The following IFI27L1 variants were observed in gnomAD, a reference collection of about 807,000 sequenced individuals.
The protein encoded by IFI27L1 is interferon alpha inducible protein 27 like 1, also known as interferon alpha-inducible protein 27-like protein 1.
IFI27L1 carries 3 observed loss-of-function variants against 9.2 expected under a neutral mutation model. That is an observed-to-expected ratio of 0.32 (90% confidence interval 0.15 to 0.84). The LOEUF (loss-of-function observed/expected upper bound fraction) is 0.84. IFI27L1 is among the 40% of genes least tolerant of loss of function. The pLI is 0.56. For synonymous variants in IFI27L1, 53 were observed against 50.0 expected (o/e 1.06, Z -0.26); for missense variants, 133 against 134.2 (o/e 0.99, Z 0.05).
intron 1 of IFI27L1, among the ~76,000 whole-genome samples, chr14:94,089,597 G>A (rs1369254193): frequency 4.6e-5 from 7 of 152,078 alleles, no homozygotes; most frequent in Non-Finnish European, 7.4e-5. Flanking sequence ...GAACTGTATC[G>A]TGTGCCTATC....
At chr14:94,097,755 C>T (rs1228224349) in intron 2 of IFI27L1, 3 of 698,000 alleles carry the variant, frequency 4.3e-6, no homozygotes, top group African/African-American at 3.5e-5. Flanking sequence ...AGGCCACTTA[C>T]CCTGAGCTAC....
chr14:94,096,779 A>G (rs994771165), intron 1 of IFI27L1, 108 bp from the exon 2 acceptor site: 14 of 592,788 alleles, frequency 2.4e-5, no homozygotes, highest in Non-Finnish European at 3.7e-5. Context: ...GTTTTATATG[A>G]TAATTCTATT....
intron 1 of IFI27L1, among the ~76,000 whole-genome samples, chr14:94,094,347 A>G (rs1236052252): frequency 6.6e-6 from 1 of 152,092 alleles, no homozygotes; most frequent in Non-Finnish European, 1.5e-5. Flanking sequence ...CGGAAACTTG[A>G]GAGCTGATCC....
chr14:94,094,799 C>A lies in IFI27L1; in HGVS notation c.-51-2088C>A, dbSNP rs527744616. 2.0e-5 allele frequency: 3 copies of A among 152,168 alleles called. No individual in the cohort carries two copies. In the South Asian group the frequency reaches 6.2e-4, roughly 32 times the overall value. 9.4% of individuals were successfully genotyped at this position (152,168 alleles called of 1,614,324 possible). The stretch of plus-strand genomic sequence containing the variant: ...CCTCTCTTGGAGTCTGGATTGGGAC[C>A]CCTTTCCAGTAATATACTCCTGGTG... On this transcript the variant is annotated intron_variant, in intron 1 of 4. Transcript: ENST00000555523.
intron 1 of IFI27L1, among the ~76,000 whole-genome samples, chr14:94,093,509 A>C (rs1429553951): frequency 6.6e-6 from 1 of 152,138 alleles, no homozygotes; most frequent in African/African-American, 2.4e-5. Flanking sequence ...TGTATGGAGA[A>C]CATCCCTCCA....
Position 94,087,262 on chromosome 14 carries a change from G to A in IFI27L1, c.-52+5813G>A, listed in dbSNP as rs554767850. ...GTAGTTTCTGGGCAGATGTGCTCAC[G>A]GAAGTATTTTTTGTGTAAGGTTGTG... On this transcript the variant is annotated intron_variant, in intron 1 of 4. Transcript: ENST00000555523. Among the ~76,000 whole-genome samples, 506 of 152,206 alleles carry A rather than the reference G, an allele frequency of 3.3e-3. 3 individuals carry two copies. The highest frequency in any genetic ancestry group is 0.011 in the African/African-American group (470 of 41,526).
intron 2 of IFI27L1, chr14:94,100,256 G>A (rs1019552795): frequency 1.0e-6 from 1 of 985,232 alleles, no homozygotes; most frequent in African/African-American, 1.7e-5. Context: ...GAGGATTGAG[G>A]CTGATTTTTG....
chr14:94,096,570 T>C (rs1328057232), intron 1 of IFI27L1, among the ~76,000 whole-genome samples: 2 of 151,970 alleles, frequency 1.3e-5, no homozygotes, highest in Non-Finnish European at 2.9e-5. Context: ...CGCACGCACC[T>C]GTAATCCCAG....
At chr14:94,086,328 A>G (rs1206414233) in intron 1 of IFI27L1, among the ~76,000 whole-genome samples, 1 of 152,192 alleles carries the variant, frequency 6.6e-6, no homozygotes, top group Non-Finnish European at 1.5e-5. Flanking sequence ...AAGCCTGTGG[A>G]ACTGTGTGCC....
At chr14:94,089,409 C>T (rs1009420849) in intron 1 of IFI27L1, 2 of 152,102 alleles carry the variant, frequency 1.3e-5, no homozygotes, top group African/African-American at 4.8e-5. Context: ...TTGATGTTGC[C>T]ATGGCGTTTA....
chr14:94,098,044 G>A (rs1886739073), intron 2 of IFI27L1, among the ~76,000 whole-genome samples: 1 of 152,206 alleles, frequency 6.6e-6, no homozygotes. Context: ...TTCAGGGAGA[G>A]GGGCTGAATG....
At chr14:94,097,719 A>G in intron 2 of IFI27L1, 1 of 702,054 alleles carries the variant, frequency 1.4e-6, no homozygotes, top group Non-Finnish European at 2.6e-6. Context: ...GAAGGAGAGA[A>G]ACCATGTGGA....
intron 2 of IFI27L1, chr14:94,100,391 C>A (rs1245448851): frequency 1.0e-6 from 1 of 985,328 alleles, no homozygotes; most frequent in Non-Finnish European, 1.2e-6. Flanking sequence ...GTCCCTGCCC[C>A]CGTGGCAGCC....
At chr14:94,102,323 G>A (rs1886931330) in intron 4 of IFI27L1, among the ~76,000 whole-genome samples, 154 bp from the exon 5 acceptor site, 1 of 152,146 alleles carries the variant, frequency 6.6e-6, no homozygotes. Context: ...TCCCAGAGCA[G>A]AAATCCTAGG....
intron 1 of IFI27L1, among the ~76,000 whole-genome samples, chr14:94,082,847 G>A (rs1351166043): frequency 6.6e-6 from 1 of 152,214 alleles, no homozygotes; most frequent in Non-Finnish European, 1.5e-5. Context: ...TGTATAAGGA[G>A]ATGAATGTTG....
intron 1 of IFI27L1, among the ~76,000 whole-genome samples, chr14:94,091,375 T>A (rs555108299): frequency 6.6e-6 from 1 of 152,366 alleles, no homozygotes; most frequent in East Asian, 1.9e-4. Context: ...AGTCATATCA[T>A]GATTATAGGA....
chr14:94,090,450 T>A (rs2141449109), intron 1 of IFI27L1, among the ~76,000 whole-genome samples: 1 of 152,352 alleles, frequency 6.6e-6, no homozygotes, highest in South Asian at 2.1e-4. Context: ...CAAGAATGAT[T>A]ATTTTTCACA....
intron 2 of IFI27L1, among the ~76,000 whole-genome samples, chr14:94,098,103 G>A (rs1474365962): frequency 2.0e-5 from 3 of 152,162 alleles, no homozygotes. Flanking sequence ...TGGAGGATGA[G>A]GCCAGGTGAG....
intron 2 of IFI27L1, among the ~76,000 whole-genome samples, chr14:94,098,016 C>T (rs1311316312): frequency 6.6e-6 from 1 of 152,186 alleles, no homozygotes; most frequent in Non-Finnish European, 1.5e-5. Context: ...ACCCTGGACA[C>T]ACCCACACTG....
Sources: allele counts gnomAD v4.1 joint callset (sites outside exome capture counted in the v4.1 genomes callset), GRCh38; gene constraint gnomAD v4.1.1; transcripts MANE v1.5; gene names NCBI Gene and HGNC (gene_info 2026-07-23, HGNC 2026-07-21).